Variants in PALLD observed in about 807,000 individuals in gnomAD.
The protein encoded by PALLD is palladin, cytoskeletal associated protein.
In PALLD, 61 loss-of-function variants were observed where a neutral mutation model predicts 123.5. That is an observed-to-expected ratio of 0.49 (90% confidence interval 0.40 to 0.61). PALLD has a LOEUF of 0.61. Ranked by LOEUF, PALLD falls within the 20% of genes least tolerant of loss-of-function variation. The probability of loss-of-function intolerance (pLI) is 0.00; values close to 1 mark genes in which losing one functional copy is unlikely to be tolerated. For synonymous variants in PALLD, 465 were observed against 496.4 expected (o/e 0.94, Z 0.84); for missense variants, 1,273 against 1,377.0 (o/e 0.92, Z 1.20).
intron 10 of PALLD, among the ~76,000 whole-genome samples, chr4:168,868,034 T>G (rs927557567): frequency 6.6e-6 from 1 of 152,054 alleles, no homozygotes; most frequent in African/African-American, 2.4e-5. Flanking sequence ...AGGAATTGGC[T>G]GCTTTTTATG....
chr4:168,728,761 T>A (rs974247365), intron 10 of PALLD, among the ~76,000 whole-genome samples: 1 of 152,296 alleles, frequency 6.6e-6, no homozygotes, highest in East Asian at 1.9e-4. Context: ...ATTACATGAG[T>A]AAGCTCTTTA....
chr4:168,665,811 A>G (rs577252253), intron 2 of PALLD, among the ~76,000 whole-genome samples: 3 of 152,298 alleles, frequency 2.0e-5, no homozygotes, highest in Non-Finnish European at 4.4e-5. Flanking sequence ...TGAGGAGCAA[A>G]AAGCAGGAGT....
At chr4:168,703,002 C>T (rs2150167496) in intron 8 of PALLD, among the ~76,000 whole-genome samples, 1 of 143,888 alleles carries the variant, frequency 6.9e-6, no homozygotes, top group East Asian at 2.1e-4. Context: ...TGGTGCGCTG[C>T]ACCCACTAAC....
rs912495033 is a variant in PALLD at position 168,926,144 on chromosome 4, T to C, written c.*33-69T>C. 17 of 1,268,432 alleles carry C rather than the reference T, an allele frequency of 1.3e-5. No individual in the cohort carries two copies. In the African/African-American group the frequency reaches 2.4e-4, roughly 18 times the overall value. 78.6% of individuals were successfully genotyped at this position (1,268,432 alleles called of 1,614,324 possible). A position where few individuals can be genotyped will look rare whatever the true frequency, so the allele number is the denominator to read the frequency against. On this transcript the variant is annotated intron_variant, in intron 21 of 21. Transcript: ENST00000505667. The stretch of plus-strand genomic sequence containing the variant: ...CATCTATCTAGACATTCTGTATTTA[T>C]TTGAAATATCTAAAGGCTTTCCAAG...
At chr4:168,875,585 C>T (rs547137396) in intron 10 of PALLD, among the ~76,000 whole-genome samples, 42 of 152,130 alleles carry the variant, frequency 2.8e-4, no homozygotes, top group Non-Finnish European at 5.3e-4. Flanking sequence ...GAAGTCAAAA[C>T]GCTAGTAAAG....
chr4:168,668,186 G>A lies in PALLD; in HGVS notation c.909-4G>A. On this transcript the variant is annotated splice_polypyrimidine_tract_variant and splice_region_variant and intron_variant, in intron 2 of 21. Transcript: ENST00000505667. ...CTATCCTTTGACCTCCATTTGGCCT[G>A]CAGATGGTTCTGTGAAGGGAAAGAA... The A allele has an allele frequency of 1.2e-6, 2 of 1,612,858 alleles. No individual in the cohort carries two copies. Among genetic ancestry groups the A allele is most frequent in the South Asian group, 1.1e-5 (1 of 91,062 alleles).
intron 10 of PALLD, among the ~76,000 whole-genome samples, chr4:168,814,618 G>A (rs1448759046): frequency 6.6e-6 from 1 of 152,208 alleles, no homozygotes; most frequent in Non-Finnish European, 1.5e-5. Context: ...TCTAAGCCAA[G>A]TCTTGGACTA....
At chr4:168,796,960 A>ACCTGG (rs1738600777) in intron 10 of PALLD, among the ~76,000 whole-genome samples, 1 of 152,198 alleles carries the variant, frequency 6.6e-6, no homozygotes, top group African/African-American at 2.4e-5. Flanking sequence ...TATTATGAAT[A>ACCTGG]CCTGGCCTGT....
Position 168,898,689 on chromosome 4 carries a change from G to C in PALLD, c.2447G>C (p.Arg816Thr). The C allele has an allele frequency of 6.2e-7, 1 of 1,613,704 alleles. No individual in the cohort carries two copies. The highest frequency in any genetic ancestry group is 8.5e-7 in the Non-Finnish European group (1 of 1,179,596). ...GGAATGCCAGTAACTTTCACATGTA[G>C]AGTGGCTGGAAATCCAAAGCCAAAG... is the stretch of plus-strand genomic sequence containing the variant. ...FEGMPVTFTC[R>T]VAGNPKPKIY... The change falls in exon 14 of 22, where the codon AGA becomes ACA. Residue 816 changes from arginine (R) to threonine (T), a missense_variant. Arg to Thr is a moderately conservative substitution (Grantham distance 71, BLOSUM62 -1). Transcript: ENST00000505667.
At chr4:168,870,099 A>G (rs1750877958) in intron 10 of PALLD, among the ~76,000 whole-genome samples, 1 of 152,230 alleles carries the variant, frequency 6.6e-6, no homozygotes, top group Admixed American at 6.5e-5. Context: ...CCCTATCTTC[A>G]TATTTGAATG....
At chr4:168,831,290 C>G (rs904445636) in intron 10 of PALLD, among the ~76,000 whole-genome samples, 5 of 152,136 alleles carry the variant, frequency 3.3e-5, no homozygotes, top group Non-Finnish European at 7.3e-5. Context: ...TACAGAAGTT[C>G]CTGTGTAGAT....
chr4:168,724,775 A>G (rs988794046), intron 10 of PALLD, among the ~76,000 whole-genome samples: 2 of 152,132 alleles, frequency 1.3e-5, no homozygotes, highest in African/African-American at 4.8e-5. Flanking sequence ...ATGCCTTCCA[A>G]CCTCTGTATG....
chr4:168,509,046 C>G (rs1762287645), intron 1 of PALLD, among the ~76,000 whole-genome samples: 1 of 152,138 alleles, frequency 6.6e-6, no homozygotes, highest in African/African-American at 2.4e-5. Flanking sequence ...GCTGGATTGG[C>G]TCTGGTGGAC....
chr4:168,666,551 G>T (rs1342165660), intron 2 of PALLD, among the ~76,000 whole-genome samples: 1 of 152,198 alleles, frequency 6.6e-6, no homozygotes, highest in Non-Finnish European at 1.5e-5. Context: ...GCACAGAAAA[G>T]TAGGCAGGTA....
rs930758792 is a variant in PALLD, at chr4:168,764,553, G to A, written c.1964+52630G>A. Among the ~76,000 whole-genome samples the A allele has an allele frequency of 8.5e-5, 13 of 152,056 alleles. No individual in the cohort carries two copies. The South Asian group carries it at 2.5e-3, about 29-fold the overall frequency. ...TTACCTCAACCTCCAGAGTAGCTCC[G>A]ACTACAGATGTGTGCCACTGTGCCC... On this transcript the variant is annotated intron_variant, in intron 10 of 21. Transcript: ENST00000505667.
intron 10 of PALLD, among the ~76,000 whole-genome samples, chr4:168,799,945 G>C (rs1220579601): frequency 6.6e-6 from 1 of 152,120 alleles, no homozygotes; most frequent in Non-Finnish European, 1.5e-5. Flanking sequence ...CCTAAGAGAT[G>C]ATTTTTACAT....
chr4:168,923,934 T>G (rs1396457549), intron 18 of PALLD, among the ~76,000 whole-genome samples: 2 of 152,074 alleles, frequency 1.3e-5, no homozygotes, highest in African/African-American at 4.8e-5. Context: ...TAATCACTAG[T>G]AGTGAAGCCA....
rs181394199 is a variant in PALLD at position 168,530,101 on chromosome 4, G to A, written c.908+17689G>A. Among the ~76,000 whole-genome samples the A allele has an allele frequency of 8.7e-3, 1,330 of 152,264 alleles. 8 individuals are homozygous for A. Among genetic ancestry groups the A allele is most frequent in the Middle Eastern group, 0.027 (8 of 294 alleles). ...GAAGTTTTTGAGGATTTACTCTCCA[G>A]AATAGTGACTGAATGTACTTTGATA... On this transcript the variant is annotated intron_variant, in intron 2 of 21. Transcript: ENST00000505667.
intron 5 of PALLD, among the ~76,000 whole-genome samples, chr4:168,684,062 G>A (rs2150094853): frequency 6.6e-6 from 1 of 152,088 alleles, no homozygotes; most frequent in East Asian, 1.9e-4. Context: ...TAAATCAGTG[G>A]GCATTTTTTG....
Sources: allele counts gnomAD v4.1 joint callset (sites outside exome capture counted in the v4.1 genomes callset), GRCh38; gene constraint gnomAD v4.1.1; transcripts MANE v1.5; gene names NCBI Gene and HGNC (gene_info 2026-07-23, HGNC 2026-07-21).